The following GABARAPL1 variants were observed in gnomAD, a reference collection of about 807,000 sequenced individuals.
GABARAPL1 encodes gamma-aminobutyric acid receptor-associated protein-like 1.
Under a neutral mutation model 14.5 loss-of-function variants are expected in GABARAPL1, and 4 were observed. That is an observed-to-expected ratio of 0.28 (90% CI 0.14 to 0.63). GABARAPL1 has a LOEUF of 0.63. Among genes scored for constraint, GABARAPL1 ranks in the 30% least tolerant of loss-of-function variants. The pLI, the probability that GABARAPL1 is intolerant of heterozygous loss-of-function variation, is 0.84. For synonymous variants in GABARAPL1, 47 were observed against 50.6 expected, an observed-to-expected ratio of 0.93 and a Z score of 0.30; for missense variants, 82 against 139.2, an observed-to-expected ratio of 0.59 and a Z score of 2.07.
intron 2 of GABARAPL1, among the ~76,000 whole-genome samples, chr12:10,219,078 G>T (rs951867541): frequency 1.3e-5 from 2 of 151,940 alleles, no homozygotes; most frequent in Non-Finnish European, 2.9e-5. Context: ...CAGCACTTTG[G>T]GACGGGGATG....
intron 1 of GABARAPL1, chr12:10,213,598 C>A: frequency 3.0e-6 from 1 of 335,766 alleles, no homozygotes; most frequent in African/African-American, 2.2e-5. Flanking sequence ...TTTAAGAACG[C>A]AGGGACATTG....
rs773932864 is a variant in GABARAPL1 at position 10,220,444 on chromosome 12, C to T, written c.174C>T (p.Gly58=). Residue 58 remains glycine, a synonymous_variant, in exon 3 of 4, where the codon GGC becomes GGT. Transcript: ENST00000266458. ...KYLVPSDLTV[G]QFYFLIRKRI... is the part of the protein sequence containing the mutation. ...TTTTCTTCTTCCATCATCCAGTTGG[C>T]CAGTTCTACTTCTTAATCCGGAAGA... is the stretch of plus-strand genomic sequence containing the variant. 1.9e-5 allele frequency: 30 copies of T among 1,611,864 alleles called. No homozygotes were observed. Among genetic ancestry groups the T allele is most frequent in the Non-Finnish European group, 2.3e-5 (27 of 1,179,550 alleles).
chr12:10,220,802 A>G, intron 3 of GABARAPL1: 10 of 1,450,494 alleles, frequency 6.9e-6, no homozygotes, highest in South Asian at 1.4e-5. Flanking sequence ...TTGTCTGACT[A>G]TAGTGTTTTA....
intron 3 of GABARAPL1, 51 bp downstream of exon 3, chr12:10,220,609 T>C: frequency 2.5e-6 from 4 of 1,613,124 alleles, no homozygotes; most frequent in Middle Eastern, 1.7e-4. Flanking sequence ...CAGTCTGGCA[T>C]CCTCTAGCCC....
At chr12:10,220,051 G>GTT (rs1023205468) in intron 2 of GABARAPL1, among the ~76,000 whole-genome samples, 3 of 152,188 alleles carry the variant, frequency 2.0e-5, no homozygotes, top group African/African-American at 7.2e-5. Flanking sequence ...CCATTGCTAA[G>GTT]TTTTTCTTAG....
At chr12:10,218,224 G>A (rs1949101403) in intron 2 of GABARAPL1, 83 bp downstream of exon 2, 2 of 836,048 alleles carry the variant, frequency 2.4e-6, no homozygotes, top group African/African-American at 3.3e-5. Context: ...TTGTGAGATT[G>A]AGAGGCAGTA....
chr12:10,213,198 G>A lies in GABARAPL1; in HGVS notation c.69G>A (p.Lys23=). The A allele has an allele frequency of 6.4e-7, 1 of 1,566,260 alleles. No individual in the cohort carries two copies. Among genetic ancestry groups the A allele is most frequent in the Non-Finnish European group, 8.7e-7 (1 of 1,153,698 alleles). Reference sequence around the variant, plus strand: ...AAAAGGAAGGAGAAAAGATCCGGAAGAAATATCCGGACAGGGTCCCCGTGA... The same window carrying A: ...AAAAGGAAGGAGAAAAGATCCGGAAAAAATATCCGGACAGGGTCCCCGTGA... The part of the protein sequence containing the change: ...YRKKEGEKIR[K]KYPDRVPVIV... The change falls in exon 1 of 4, where the codon AAG becomes AAA. Residue 23 remains lysine, a synonymous_variant. Transcript: ENST00000266458.
chr12:10,222,557 GTGT>G lies in GABARAPL1; in HGVS notation c.*708_*710del, dbSNP rs1420291145. The G allele has an allele frequency of 2.6e-5, 4 of 152,640 alleles. No individual in the cohort carries two copies. The highest frequency in any genetic ancestry group is 3.4e-3 in the Middle Eastern group (1 of 294). 9.5% of individuals were successfully genotyped at this position (152,640 alleles called of 1,614,324 possible). ...TAGCATTAAACTGGAATTGACAAGAGTGTTGAGCATCCCTGTCTAACCTGCTCT... is the reference window on the plus strand; with the variant it reads ...TAGCATTAAACTGGAATTGACAAGAGTGAGCATCCCTGTCTAACCTGCTCT... On this transcript the variant is annotated 3_prime_UTR_variant, in exon 4 of 4. Transcript: ENST00000266458.
rs1384728826 is a variant in GABARAPL1, at chr12:10,213,166, T to C, written c.37T>C (p.Tyr13His). 6.3e-7 allele frequency: 1 copy of C among 1,586,984 alleles called. No individual in the cohort carries two copies. The highest frequency in any genetic ancestry group is 1.2e-5 in the South Asian group (1 of 86,886). ...FQYKEDHPFE[Y>H]RKKEGEKIRK... Reference sequence around the variant, plus strand: ...GTACAAGGAGGACCATCCCTTTGAGTATCGGAAAAAGGAAGGAGAAAAGAT... The same window carrying C: ...GTACAAGGAGGACCATCCCTTTGAGCATCGGAAAAAGGAAGGAGAAAAGAT... Residue 13 changes from tyrosine (Y) to histidine (H), a missense_variant, in exon 1 of 4, where the codon TAT becomes CAT. Transcript: ENST00000266458.
intron 1 of GABARAPL1, among the ~76,000 whole-genome samples, chr12:10,216,521 G>T (rs1592004332): frequency 6.8e-6 from 1 of 146,396 alleles, no homozygotes; most frequent in South Asian, 2.2e-4. Context: ...TAACTAAAAT[G>T]ACTATATTTT....
chr12:10,213,301 C>A, intron 1 of GABARAPL1, 82 bp downstream of exon 1: 2 of 841,458 alleles, frequency 2.4e-6, no homozygotes, highest in Non-Finnish European at 4.0e-6. Context: ...TTCCCTGGGG[C>A]GCCCAGGCGG....
intron 3 of GABARAPL1, chr12:10,220,874 C>T: frequency 7.1e-7 from 1 of 1,411,370 alleles, no homozygotes; most frequent in Middle Eastern, 2.6e-4. Context: ...TCCAAAGCGT[C>T]AGCCCATCGC....
At position 10,222,348 on chromosome 12, in the gene GABARAPL1, G is replaced by A. The variant is rs1430449156; in HGVS notation, c.*496G>A. On this transcript the variant is annotated 3_prime_UTR_variant, in exon 4 of 4. Coordinates refer to ENST00000266458, the MANE Select transcript of GABARAPL1 (RefSeq NM_031412.4). ...CTGTAATTGATGCATTGTGGCCCCT[G>A]ATCTTCCCTGTCTCACACTTCTTTT... 2 of 162,304 alleles carry A rather than the reference G, an allele frequency of 1.2e-5. No individual in the cohort carries two copies. The highest frequency in any genetic ancestry group is 3.4e-4 in the East Asian group (2 of 5,800). 10.1% of individuals were successfully genotyped at this position (162,304 alleles called of 1,614,324 possible).
intron 2 of GABARAPL1, among the ~76,000 whole-genome samples, chr12:10,219,561 G>A (rs1592005806): frequency 6.6e-6 from 1 of 152,056 alleles, no homozygotes; most frequent in Non-Finnish European, 1.5e-5. Flanking sequence ...CAGCACTTTG[G>A]GAGGCTGAGG....
chr12:10,213,418 C>T (rs1477240656), intron 1 of GABARAPL1, 199 bp downstream of exon 1: 3 of 648,796 alleles, frequency 4.6e-6, no homozygotes, highest in Non-Finnish European at 8.5e-6. Context: ...TATGCCTGGG[C>T]CCCGAACCCC....
At chr12:10,221,125 G>C (rs1474756172) in intron 3 of GABARAPL1, 1 of 984,706 alleles carries the variant, frequency 1.0e-6, no homozygotes, top group East Asian at 1.1e-4. Flanking sequence ...ACTTTTCTTA[G>C]AACAAAACTA....
At chr12:10,219,452 T>C (rs73264786) in intron 2 of GABARAPL1, among the ~76,000 whole-genome samples, 3,807 of 152,316 alleles carry the variant, frequency 0.025, 163 homozygotes, top group African/African-American at 0.087. Flanking sequence ...TAAATACATC[T>C]TCTTAAGCTA....
chr12:10,213,151 G>T lies in GABARAPL1; in HGVS notation c.22G>T (p.Asp8Tyr), dbSNP rs763368411. 50 of 1,588,200 alleles carry T rather than the reference G, an allele frequency of 3.1e-5. No individual in the cohort carries two copies. The South Asian group carries it at 5.7e-4, about 18-fold the overall frequency. The change falls in exon 1 of 4, where the codon GAC becomes TAC. Residue 8 changes from aspartate (D) to tyrosine (Y), a missense_variant. Asp to Tyr is a radical substitution (Grantham distance 160). Around this residue, in one of 3 missense-constraint regions of GABARAPL1, gnomAD observed 16 missense variants for 18.0 expected, o/e 0.89. Coordinates refer to ENST00000266458, the MANE Select transcript of GABARAPL1 (RefSeq NM_031412.4). MKFQYKE[D>Y]HPFEYRKKEG... ...CATCATGAAGTTCCAGTACAAGGAG[G>T]ACCATCCCTTTGAGTATCGGAAAAA...
intron 1 of GABARAPL1, among the ~76,000 whole-genome samples, chr12:10,216,616 C>T (rs1322306327): frequency 2.7e-5 from 4 of 149,918 alleles, no homozygotes; most frequent in Admixed American, 2.0e-4. Context: ...CTTGGCTCAC[C>T]GCAACCTCTG....
Sources: gnomAD v4.1 joint callset for allele counts (sites outside exome capture counted in the v4.1 genomes callset) on GRCh38, gnomAD v4.1.1 for gene constraint, gnomAD v4.1.1 regional missense constraint, MANE v1.5 for transcripts, NCBI Gene and HGNC (gene_info 2026-07-23, HGNC 2026-07-21) for gene names.